The following PPEF1 variants were observed in gnomAD, a reference collection of about 807,000 sequenced individuals.
The protein encoded by PPEF1 is serine/threonine-protein phosphatase with EF-hands 1.
PPEF1 carries 12 observed loss-of-function variants against 53.3 expected under a neutral mutation model. The ratio of observed to expected loss-of-function variants is 0.23; its 90% CI spans 0.14 to 0.36. The LOEUF (loss-of-function observed/expected upper bound fraction) is 0.36, where lower values mean the gene tolerates loss of function less well. PPEF1 is among the 10% of genes least tolerant of loss of function. The pLI, the probability that PPEF1 is intolerant of heterozygous loss-of-function variation, is 1.00. For missense variants in PPEF1, 334 were observed against 490.4 expected, an observed-to-expected ratio of 0.68 and a Z score of 3.01; for synonymous variants, 165 against 176.7, an observed-to-expected ratio of 0.93 and a Z score of 0.52.
In PPEF1 at chrX:18,822,733, A is replaced by G. The variant is rs184391562; in HGVS notation, c.1502-1190A>G. 4.3e-3 allele frequency among the ~76,000 whole-genome samples: 476 copies of G among 111,048 alleles called. 3 individuals carry two copies. Among genetic ancestry groups the G allele is most frequent in the African/African-American group, 0.015 (453 of 30,613 alleles). Reference sequence around the variant, plus strand: ...ATGAGATTTCTAAGATATTATTAAGATAAAGGGGACTGAAATAAATGGGTG... The same window carrying G: ...ATGAGATTTCTAAGATATTATTAAGGTAAAGGGGACTGAAATAAATGGGTG... On this transcript the variant is annotated intron_variant, in intron 13 of 15. Coordinates refer to ENST00000470157, the MANE Select transcript of PPEF1 (RefSeq NM_001377996.1).
intron 4 of PPEF1, among the ~76,000 whole-genome samples, chrX:18,693,308 G>A (rs973287584): frequency 1.8e-5 from 2 of 111,808 alleles, no homozygotes; most frequent in Admixed American, 9.5e-5. Context: ...AAGAACACAG[G>A]TGGCACCAAC....
rs1172524701 is a variant in PPEF1 at position 18,827,299 on chromosome X, C to T, written c.1774C>T (p.Arg592Cys). ...HSGLISVEEF[R>C]AMWKLFSSHY... ...AGGCCTGATCTCCGTGGAAGAATTT[C>T]GTGCCATGTGGAAACTTTTTAGTTC... The change falls in exon 16 of 16, where the codon CGT (arginine) becomes TGT (cysteine). Residue 592 changes from arginine (R) to cysteine (C), a missense_variant. By Grantham distance (180) the Arg-to-Cys change is radical. Transcript: ENST00000470157. 13 of 1,208,101 alleles carry T rather than the reference C, an allele frequency of 1.1e-5. No homozygotes were observed. Among genetic ancestry groups the T allele is most frequent in the South Asian group, 8.8e-5 (5 of 56,826 alleles).
chrX:18,735,024 A>G (rs1026376855), intron 3 of PPEF1, among the ~76,000 whole-genome samples: 1 of 112,090 alleles, frequency 8.9e-6, no homozygotes, highest in African/African-American at 3.2e-5. Flanking sequence ...GATTCTGGAT[A>G]TTAGCCCTTT....
rs764992055 is a variant in PPEF1 at position 18,772,134 on chromosome X, GCAAGACTCTCTCTCT to G, written c.559-6872_559-6858del. On this transcript the variant is annotated intron_variant, in intron 6 of 15. Transcript: ENST00000470157. ...ACTGCACTCCAATGTAGGCGACAGG[GCAAGACTCTCTCTCT>G]CAAATATATATATTAAAGAAGAGAA... Among the ~76,000 whole-genome samples, 5 of 111,470 alleles carry G rather than the reference GCAAGACTCTCTCTCT, an allele frequency of 4.5e-5. No homozygotes were observed. The East Asian group carries it at 1.4e-3, about 31-fold the overall frequency.
At chrX:18,780,009 GA>G (rs1277403786) in intron 7 of PPEF1, among the ~76,000 whole-genome samples, 1 of 111,199 alleles carries the variant, frequency 9.0e-6, no homozygotes, top group African/African-American at 3.3e-5. Context: ...AACTATGAAG[GA>G]AAAAAATCCC....
intron 1 of PPEF1, among the ~76,000 whole-genome samples, chrX:18,710,420 C>T (rs151038401): frequency 9.0e-6 from 1 of 110,943 alleles, no homozygotes; most frequent in Non-Finnish European, 1.9e-5. Context: ...AATCCATTCC[C>T]GAGTCCAAAA....
At chrX:18,777,753 T>TC (rs1321210624) in intron 6 of PPEF1, among the ~76,000 whole-genome samples, 1 of 109,694 alleles carries the variant, frequency 9.1e-6, no homozygotes, top group African/African-American at 3.3e-5. Context: ...GTCTTTTCTT[T>TC]CTTTTTTTTT....
intron 3 of PPEF1, among the ~76,000 whole-genome samples, chrX:18,687,043 G>A (rs1929113160): frequency 9.0e-6 from 1 of 111,529 alleles, no homozygotes; most frequent in South Asian, 3.8e-4. Context: ...TCCTCCTCCA[G>A]GCATTGTGTC....
At chrX:18,740,519 C>T (rs1363880286) in intron 3 of PPEF1, among the ~76,000 whole-genome samples, 1 of 109,459 alleles carries the variant, frequency 9.1e-6, no homozygotes, top group Non-Finnish European at 1.9e-5. Flanking sequence ...AGGTGATTCT[C>T]CTGCCTCAGC....
intron 6 of PPEF1, among the ~76,000 whole-genome samples, chrX:18,775,211 CTTTT>C (rs765208120): frequency 2.0e-5 from 1 of 50,166 alleles, no homozygotes; most frequent in African/African-American, 8.9e-5. Flanking sequence ...TAACCCATTG[CTTTT>C]TTTTTTTTTT....
At chrX:18,702,892 A>G (rs926977076), upstream of PPEF1, among the ~76,000 whole-genome samples, 6 of 111,135 alleles carry the variant, frequency 5.4e-5, no homozygotes, top group African/African-American at 1.6e-4. Flanking sequence ...CCAGCGGCTC[A>G]TGTTACCCAC....
intron 6 of PPEF1, among the ~76,000 whole-genome samples, chrX:18,766,065 C>CAAAAAA: frequency 1.6e-5 from 1 of 63,963 alleles, no homozygotes; most frequent in East Asian, 6.5e-4. Context: ...AACTCTGTCT[C>CAAAAAA]AAAAAAAAAA....
chrX:18,794,611 G>C (rs1411181957), intron 10 of PPEF1, among the ~76,000 whole-genome samples: 1 of 112,807 alleles, frequency 8.9e-6, no homozygotes, highest in African/African-American at 3.2e-5. Flanking sequence ...AAGCATGGGG[G>C]CAGTTGGGGT....
upstream of PPEF1, among the ~76,000 whole-genome samples, chrX:18,706,868 G>A (rs1487758920): frequency 9.3e-5 from 7 of 74,990 alleles, no homozygotes; most frequent in African/African-American, 2.7e-4. Flanking sequence ...TCGCTTTGTC[G>A]CCCAGGCTAG....
chrX:18,701,750 C>T (rs1296244968), intron 6 of PPEF1, among the ~76,000 whole-genome samples: 1 of 112,323 alleles, frequency 8.9e-6, no homozygotes, highest in East Asian at 2.8e-4. Context: ...GAAACCTGTC[C>T]AGCTCTACAT....
chrX:18,749,762 C>A, intron 3 of PPEF1, 30 bp from the exon 4 acceptor site: 1 of 198,402 alleles, frequency 5.0e-6, no homozygotes, highest in African/African-American at 3.6e-5. Context: ...CCCCCACCCC[C>A]ACCCCCCCGT....
intron 3 of PPEF1, among the ~76,000 whole-genome samples, chrX:18,738,061 G>T (rs1467816233): frequency 1.8e-5 from 2 of 110,619 alleles, no homozygotes; most frequent in East Asian, 5.6e-4. Flanking sequence ...ACACTGATGG[G>T]TCTTGACTCT....
At chrX:18,685,946 TG>T (rs1289564642) in intron 2 of PPEF1, among the ~76,000 whole-genome samples, 1 of 111,119 alleles carries the variant, frequency 9.0e-6, no homozygotes, top group African/African-American at 3.3e-5. Flanking sequence ...GAAATTTGAA[TG>T]AATTCACACA....
At chrX:18,772,693 T>C (rs2045893785) in intron 6 of PPEF1, among the ~76,000 whole-genome samples, 1 of 112,465 alleles carries the variant, frequency 8.9e-6, no homozygotes, top group African/African-American at 3.2e-5. Flanking sequence ...ACAGTTTCTG[T>C]GGGTCAGAAA....
Sources: allele counts gnomAD v4.1 joint callset (sites outside exome capture counted in the v4.1 genomes callset), GRCh38; gene constraint gnomAD v4.1.1; transcripts MANE v1.5; gene names NCBI Gene and HGNC (gene_info 2026-07-23, HGNC 2026-07-21).